Variants in PACRG observed in about 807,000 individuals in gnomAD.
PACRG encodes the protein parkin coregulated gene protein.
In PACRG, 29 loss-of-function variants were observed where a neutral mutation model predicts 29.7. That is an observed-to-expected ratio of 0.98 (90% CI 0.73 to 1.33). PACRG has a LOEUF of 1.33. Ranked by LOEUF, PACRG falls within the 40% of genes most tolerant of loss-of-function variation. The pLI, the probability that PACRG is intolerant of heterozygous loss-of-function variation, is 0.00. For missense variants in PACRG, 279 were observed against 316.2 expected (o/e 0.88, Z 0.89); for synonymous variants, 116 against 118.7 (o/e 0.98, Z 0.15).
intron 3 of PACRG, among the ~76,000 whole-genome samples, chr6:163,081,683 G>A (rs900794993): frequency 6.6e-6 from 1 of 152,076 alleles, no homozygotes; most frequent in Non-Finnish European, 1.5e-5. Context: ...TTAAGCCCAG[G>A]TGGATTAAGC....
intron 1 of PACRG, among the ~76,000 whole-genome samples, chr6:162,774,006 A>C (rs1165704375): frequency 2.0e-5 from 3 of 152,218 alleles, no homozygotes; most frequent in Non-Finnish European, 2.9e-5. Flanking sequence ...CTCCATCTTT[A>C]AGTGCTCAAT....
At chr6:162,743,575 C>T (rs1427389336) in intron 1 of PACRG, among the ~76,000 whole-genome samples, 1 of 152,054 alleles carries the variant, frequency 6.6e-6, no homozygotes, top group Non-Finnish European at 1.5e-5. Flanking sequence ...AACTGACATA[C>T]CAATTCTTCC....
intron 2 of PACRG, among the ~76,000 whole-genome samples, chr6:162,913,522 T>C (rs950434349): frequency 6.6e-6 from 1 of 152,232 alleles, no homozygotes; most frequent in Non-Finnish European, 1.5e-5. Context: ...AAAGCATTCA[T>C]GTACAATTTT....
rs1013857706 is a variant in PACRG at position 163,255,252 on chromosome 6, A to T, written c.614-59575A>T. Among the ~76,000 whole-genome samples the T allele has an allele frequency of 2.6e-4, 39 of 152,278 alleles. 1 individual carries two copies. Among genetic ancestry groups the T allele is most frequent in the East Asian group, 3.9e-4 (2 of 5,172 alleles). ...GAGCCCGAATAAAGAGGAAGAAGAA[A>T]CTGCAATTTAGGTCCCCAAGCCCAG... On this transcript the variant is annotated intron_variant, in intron 4 of 4. Transcript: ENST00000366888.
intron 1 of PACRG, among the ~76,000 whole-genome samples, chr6:162,750,202 GAAA>G (rs1276647496): frequency 6.6e-6 from 1 of 152,090 alleles, no homozygotes; most frequent in Non-Finnish European, 1.5e-5. Flanking sequence ...CATTTTATAA[GAAA>G]CCATAAATTT....
At chr6:163,022,980 T>C (rs796610869) in intron 2 of PACRG, among the ~76,000 whole-genome samples, 12 of 152,316 alleles carry the variant, frequency 7.9e-5, no homozygotes, top group African/African-American at 2.6e-4. Context: ...TACTGGAGAA[T>C]TGCAATGCAT....
intron 3 of PACRG, among the ~76,000 whole-genome samples, chr6:163,084,301 G>A (rs1813340233): frequency 6.6e-6 from 1 of 152,032 alleles, no homozygotes; most frequent in African/African-American, 2.4e-5. Flanking sequence ...ATACCTGTTA[G>A]CATACTTTTT....
At chr6:162,851,929 AAAG>A (rs1790895855) in intron 2 of PACRG, among the ~76,000 whole-genome samples, 1 of 150,606 alleles carries the variant, frequency 6.6e-6, no homozygotes, top group Non-Finnish European at 1.5e-5. Flanking sequence ...AGAGAAAAGA[AAAG>A]AAAGGAAGGG....
chr6:162,927,813 A>G (rs763792891), intron 2 of PACRG, among the ~76,000 whole-genome samples: 6 of 151,792 alleles, frequency 4.0e-5, no homozygotes, highest in Non-Finnish European at 7.4e-5. Context: ...AGCAAAGCAA[A>G]CAAACAAACA....
chr6:162,733,470 G>A (rs2128250523), intron 1 of PACRG, among the ~76,000 whole-genome samples: 2 of 152,132 alleles, frequency 1.3e-5, no homozygotes, highest in South Asian at 4.2e-4. Context: ...TATTATAATT[G>A]TTATTTGTCT....
intron 4 of PACRG, among the ~76,000 whole-genome samples, chr6:163,205,328 A>G (rs1242577626): frequency 6.6e-6 from 1 of 152,214 alleles, no homozygotes; most frequent in African/African-American, 2.4e-5. Flanking sequence ...TGACAAGGCT[A>G]CAGTAACCAA....
At chr6:162,910,848 T>TCAGTGGTTC (rs2128076650) in intron 2 of PACRG, among the ~76,000 whole-genome samples, 1 of 152,284 alleles carries the variant, frequency 6.6e-6, no homozygotes, top group South Asian at 2.1e-4. Flanking sequence ...AGAGCCCACT[T>TCAGTGGTTC]AGAAAGGAGG....
chr6:163,004,728 A>ATG (rs1562822875), intron 2 of PACRG, among the ~76,000 whole-genome samples: 1 of 75,646 alleles, frequency 1.3e-5, no homozygotes, highest in African/African-American at 3.7e-5. Context: ...GTGTGTGTGT[A>ATG]TATATATATA....
intron 2 of PACRG, among the ~76,000 whole-genome samples, chr6:162,905,469 G>C: frequency 6.6e-6 from 1 of 152,162 alleles, no homozygotes; most frequent in Non-Finnish European, 1.5e-5. Flanking sequence ...CTAAGTGGGA[G>C]CTGGAAAGAA....
chr6:163,264,798 G>T (rs772036590), intron 4 of PACRG, among the ~76,000 whole-genome samples: 10 of 152,166 alleles, frequency 6.6e-5, no homozygotes, highest in Non-Finnish European at 1.3e-4. Flanking sequence ...AATTGATAAG[G>T]GAGAAGCTGC....
intron 2 of PACRG, among the ~76,000 whole-genome samples, chr6:162,927,116 C>T (rs530401835): frequency 2.2e-4 from 34 of 152,182 alleles, no homozygotes; most frequent in Non-Finnish European, 4.1e-4. Context: ...CCATCTCCAC[C>T]GGTCAGGATG....
chr6:163,251,069 A>G (rs980422452), intron 4 of PACRG, among the ~76,000 whole-genome samples: 1 of 151,916 alleles, frequency 6.6e-6, no homozygotes, highest in Non-Finnish European at 1.5e-5. Flanking sequence ...ATGAGAATGC[A>G]AAGGCATAAG....
chr6:163,095,566 C>A, intron 4 of PACRG: 2 of 510,930 alleles, frequency 3.9e-6, no homozygotes, highest in Non-Finnish European at 5.0e-6. Context: ...GCTCTCACTG[C>A]AGGCTCCGGG....
chr6:162,967,150 A>G (rs2128153184), intron 2 of PACRG, among the ~76,000 whole-genome samples: 1 of 152,288 alleles, frequency 6.6e-6, no homozygotes, highest in Admixed American at 6.5e-5. Context: ...TATAGAAATT[A>G]ATGCTTGCCT....
Sources: gnomAD v4.1 joint callset for allele counts (sites outside exome capture counted in the v4.1 genomes callset) on GRCh38, gnomAD v4.1.1 for gene constraint, MANE v1.5 for transcripts, NCBI Gene and HGNC (gene_info 2026-07-23, HGNC 2026-07-21) for gene names.